The following TRIM22 variants were observed in gnomAD, a reference collection of about 807,000 sequenced individuals.
TRIM22 encodes E3 ubiquitin-protein ligase TRIM22.
Under a neutral mutation model 53.6 loss-of-function variants are expected in TRIM22, and 45 were observed. The observed-to-expected ratio is 0.84, with a 90% confidence interval of 0.66 to 1.08. The LOEUF is 1.08. Among genes scored for constraint, TRIM22 ranks in the 50% least tolerant of loss-of-function variants. The pLI is 0.00. For missense variants in TRIM22, 616 were observed against 590.9 expected (o/e 1.04, Z -0.44); for synonymous variants, 225 against 216.6 (o/e 1.04, Z -0.34).
chr11:5,698,115 C>T, intron 3 of TRIM22, 200 bp from the exon 4 acceptor site: 1 of 552,114 alleles, frequency 1.8e-6, no homozygotes, highest in South Asian at 2.1e-5. Context: ...ATAAAACTGA[C>T]TTGAGTGTAT....
intron 7 of TRIM22, 49 bp from the exon 8 acceptor site, chr11:5,709,004 G>T: frequency 2.1e-6 from 3 of 1,408,976 alleles, no homozygotes; most frequent in South Asian, 2.5e-5. Flanking sequence ...AATGCTGTAA[G>T]ACACACCTAT....
rs373247071 is a variant in TRIM22, at chr11:5,696,646, G to A, written c.414G>A (p.Lys138=). The change falls in exon 2 of 8, where the codon AAG becomes AAA. Residue 138 remains lysine, a synonymous_variant. Transcript: ENST00000379965. ...CATTCCGCATAAACGAGGTGGTCAA[G>A]GAATGTCAGGTAGGCTCCAAGATAG... ...HQTFRINEVV[K]ECQEKLQVAL... The A allele has an allele frequency of 6.2e-7, 1 of 1,608,702 alleles. No homozygotes were observed.
intron 2 of TRIM22, chr11:5,697,037 C>A: frequency 1.8e-6 from 1 of 543,510 alleles, no homozygotes; most frequent in South Asian, 2.8e-5. Flanking sequence ...TCAGGCTACT[C>A]TTGATAAGAG....
In TRIM22 at chr11:5,694,826, G is replaced by A. The variant is rs1354472299; in HGVS notation, c.-66-1341G>A. On this transcript the variant is annotated intron_variant, in intron 1 of 7. Transcript: ENST00000379965. ...GTGTGGGTGTGTGTGTATGTCTTTGGGGATGGAGTGTGAGGTCATGGGAGG... is the reference window on the plus strand; with the variant it reads ...GTGTGGGTGTGTGTGTATGTCTTTGAGGATGGAGTGTGAGGTCATGGGAGG... Among the ~76,000 whole-genome samples, 3 of 152,058 alleles carry A rather than the reference G, an allele frequency of 2.0e-5. No homozygotes were observed. The South Asian group carries it at 6.2e-4, about 32-fold the overall frequency.
intron 4 of TRIM22, among the ~76,000 whole-genome samples, chr11:5,701,637 G>C (rs1188723601): frequency 6.6e-6 from 1 of 152,124 alleles, no homozygotes; most frequent in East Asian, 1.9e-4. Flanking sequence ...GCTGCTGTAA[G>C]AAATTGTCAC....
rs1346902309 is a variant in TRIM22 at position 5,710,253 on chromosome 11, T to C, written c.*605T>C. 6.6e-6 allele frequency: 1 copy of C among 151,896 alleles called. No homozygotes were observed. The highest frequency in any genetic ancestry group is 1.5e-5 in the Non-Finnish European group (1 of 68,042). 9.4% of individuals were successfully genotyped at this position (151,896 alleles called of 1,614,324 possible). A position where few individuals can be genotyped will look rare whatever the true frequency, so the allele number is the denominator to read the frequency against. ...TTTCCTAATACCTTGGTTTCACTAG[T>C]AGTAAACATTATTATTTTTTTTATA... On this transcript the variant is annotated 3_prime_UTR_variant, in exon 8 of 8. Transcript: ENST00000379965.
rs369214997 is a variant in TRIM22, at chr11:5,698,329, C to A, written c.534C>A (p.Ile178=). The change falls in exon 4 of 8, where the codon ATC becomes ATA. Residue 178 remains isoleucine (I), a synonymous_variant. Transcript: ENST00000379965. ...TCATTCCCAAGAATTATATCCAGATCGAGAGACAGAAGATTCTGAAAGGGT... is the reference window on the plus strand; with the variant it reads ...TCATTCCCAAGAATTATATCCAGATAGAGAGACAGAAGATTCTGAAAGGGT... ...ERTAWKNYIQ[I]ERQKILKGFN... 13 of 1,613,822 alleles carry A rather than the reference C, an allele frequency of 8.1e-6. No individual in the cohort carries two copies. Among genetic ancestry groups the A allele is most frequent in the Non-Finnish European group, 1.1e-5 (13 of 1,179,872 alleles).
At chr11:5,698,165 G>A (rs1853300394) in intron 3 of TRIM22, 150 bp from the exon 4 acceptor site, 2 of 641,738 alleles carry the variant, frequency 3.1e-6, no homozygotes, top group Non-Finnish European at 5.5e-6. Context: ...AGAAAAACAT[G>A]GCTTCACCAG....
intron 4 of TRIM22, among the ~76,000 whole-genome samples, chr11:5,701,252 T>C (rs996466848): frequency 4.6e-5 from 7 of 152,210 alleles, no homozygotes; most frequent in African/African-American, 1.7e-4. Context: ...CCTTTCATTT[T>C]CTGAAACAAA....
intron 1 of TRIM22, among the ~76,000 whole-genome samples, chr11:5,692,970 G>T (rs77322596): frequency 0.077 from 11,624 of 150,606 alleles, 705 homozygotes; most frequent in East Asian, 0.32. Flanking sequence ...CCGCCTCCTG[G>T]GTTCAAGTGA....
rs530748946 is a variant in TRIM22, at chr11:5,706,678, T to C, written c.773+62T>C. 27 of 1,489,050 alleles carry C rather than the reference T, an allele frequency of 1.8e-5. No homozygotes were observed. In the African/African-American group the frequency reaches 2.8e-4, roughly 15 times the overall value. The allele number at this position is 1,489,050 out of a possible 1,614,324, so 92.2% of individuals were successfully genotyped here. A position where few individuals can be genotyped will look rare whatever the true frequency, so the allele number is the denominator to read the frequency against. Reference sequence around the variant, plus strand: ...AAAAGAGAATTATAGTCCTGAGAGATATCTTCCTTCAATCAGAACAACTTA... The same window carrying C: ...AAAAGAGAATTATAGTCCTGAGAGACATCTTCCTTCAATCAGAACAACTTA... On this transcript the variant is annotated intron_variant, in intron 5 of 7. Coordinates refer to ENST00000379965, the MANE Select transcript of TRIM22 (RefSeq NM_006074.5).
intron 3 of TRIM22, chr11:5,697,641 A>G: frequency 3.2e-6 from 1 of 314,970 alleles, no homozygotes. Context: ...TCCTTCCAGT[A>G]AACACCCTGG....
rs747244055 is a variant in TRIM22, at chr11:5,709,183, C to T, written c.1032C>T (p.Val344=). 7 of 1,614,172 alleles carry T rather than the reference C, an allele frequency of 4.3e-6. No individual in the cohort carries two copies. In the Admixed American group the frequency reaches 6.7e-5, roughly 15 times the overall value. ...CATGTGATTTTTCTGCTTTTGGTGT[C>T]TTCGGCTGCCAATATTTCTCTTCGG... The part of the protein sequence containing the change: ...SNPCDFSAFG[V]FGCQYFSSGK... Residue 344 remains valine, a synonymous_variant, in exon 8 of 8, where the codon GTC becomes GTT. Transcript: ENST00000379965.
At position 5,708,269 on chromosome 11, in the gene TRIM22, TAA is replaced by T; in HGVS notation, c.872_873del (p.Lys291ArgfsTer41). 1 of 1,613,076 alleles carries T rather than the reference TAA, an allele frequency of 6.2e-7. No individual in the cohort carries two copies. Among genetic ancestry groups the T allele is most frequent in the Non-Finnish European group, 8.5e-7 (1 of 1,179,040 alleles). On this transcript the variant is annotated frameshift_variant and splice_region_variant, in exon 6 of 8. Coordinates refer to ENST00000379965, the MANE Select transcript of TRIM22 (RefSeq NM_006074.5). LOFTEE classifies it high-confidence loss of function. ...ATCTGAGTGGGATGCTGCAAGTTCT[TAA>T]AGGTAAGGGGATTCAGGGGAAGGCT... The part of the protein sequence containing the change: ...PDLSGMLQVL[K>X]ELTDVQYYWV...
At chr11:5,693,610 C>G (rs1171417270) in intron 1 of TRIM22, among the ~76,000 whole-genome samples, 1 of 149,984 alleles carries the variant, frequency 6.7e-6, no homozygotes, top group Non-Finnish European at 1.5e-5. Flanking sequence ...GTAGTCCCAG[C>G]TACTTGGAGG....
chr11:5,708,712 AGTTCT>A, intron 7 of TRIM22, 109 bp downstream of exon 7: 1 of 793,068 alleles, frequency 1.3e-6, no homozygotes. Context: ...TAAACCATGT[AGTTCT>A]TTTTTTTTTT....
At chr11:5,689,960 T>C (rs763593872) in intron 1 of TRIM22, 61 bp downstream of exon 1, 6 of 152,384 alleles carry the variant, frequency 3.9e-5, no homozygotes, top group Middle Eastern at 3.4e-3. Context: ...AGATTGATTG[T>C]GTCTGGGTGA....
chr11:5,696,490 G>C lies in TRIM22; in HGVS notation c.258G>C (p.Met86Ile). 2 of 1,614,260 alleles carry C rather than the reference G, an allele frequency of 1.2e-6. No homozygotes were observed. The highest frequency in any genetic ancestry group is 1.7e-6 in the Non-Finnish European group (2 of 1,180,042). ...TTGAGAGAGTCAAAGAGGTCAAGAT[G>C]AGCCCACAGGAGGGGCAGAAGAGAG... is the stretch of plus-strand genomic sequence containing the variant. ...NIVERVKEVK[M>I]SPQEGQKRDV... Residue 86 changes from methionine (M) to isoleucine (I), a missense_variant, in exon 2 of 8, where the codon ATG (methionine) becomes ATC (isoleucine). Coordinates refer to ENST00000379965, the MANE Select transcript of TRIM22 (RefSeq NM_006074.5).
At chr11:5,690,927 G>A (rs1434439372) in intron 1 of TRIM22, 3 of 152,246 alleles carry the variant, frequency 2.0e-5, no homozygotes, top group African/African-American at 7.2e-5. Context: ...CCTTTTGAAG[G>A]TTATCCTTTT....
Sources: allele counts gnomAD v4.1 joint callset (sites outside exome capture counted in the v4.1 genomes callset), GRCh38; gene constraint gnomAD v4.1.1; transcripts MANE v1.5; gene names NCBI Gene and HGNC (gene_info 2026-07-23, HGNC 2026-07-21).